The following BCO1 variants were observed in gnomAD, a reference collection of about 807,000 sequenced individuals.
The protein encoded by BCO1 is beta,beta-carotene 15,15'-dioxygenase.
In BCO1, 54 loss-of-function variants were observed where a neutral mutation model predicts 56.3. The ratio of observed to expected loss-of-function variants is 0.96; its 90% confidence interval spans 0.77 to 1.20. BCO1 has a LOEUF of 1.20. Ranked by LOEUF, BCO1 falls within the 50% of genes most tolerant of loss-of-function variation. The probability of loss-of-function intolerance (pLI) is 0.00; values close to 1 mark genes in which losing one functional copy is unlikely to be tolerated. For synonymous variants in BCO1, 318 were observed against 266.1 expected (o/e 1.20, Z -1.90); for missense variants, 801 against 690.9 (o/e 1.16, Z -1.79).
intron 3 of BCO1, among the ~76,000 whole-genome samples, chr16:81,260,822 T>C (rs1466268115): frequency 6.6e-6 from 1 of 152,222 alleles, no homozygotes; most frequent in Admixed American, 6.5e-5. Flanking sequence ...GTATACATTT[T>C]AAATCATCTG....
At chr16:81,286,685 A>G (rs1232269550) in intron 9 of BCO1, among the ~76,000 whole-genome samples, 1 of 152,062 alleles carries the variant, frequency 6.6e-6, no homozygotes, top group Non-Finnish European at 1.5e-5. Flanking sequence ...CCCTGTCTCT[A>G]TATTAAAAAA....
chr16:81,246,023 C>T (rs1483664307), intron 2 of BCO1, among the ~76,000 whole-genome samples: 1 of 151,804 alleles, frequency 6.6e-6, no homozygotes, highest in Non-Finnish European at 1.5e-5. Flanking sequence ...ACACCATGCC[C>T]AGCTAATTTT....
At chr16:81,244,002 G>A (rs1597342558) in intron 1 of BCO1, among the ~76,000 whole-genome samples, 3 of 152,230 alleles carry the variant, frequency 2.0e-5, no homozygotes, top group South Asian at 2.1e-4. Context: ...AGGCAACGGC[G>A]GGATTTGTCC....
At chr16:81,267,151 TGA>T (rs1383092062) in intron 5 of BCO1, among the ~76,000 whole-genome samples, 1 of 152,182 alleles carries the variant, frequency 6.6e-6, no homozygotes, top group Non-Finnish European at 1.5e-5. Flanking sequence ...CTTCACTGTA[TGA>T]GAGTCGTAAT....
chr16:81,272,860 CA>C lies in BCO1; in HGVS notation c.1101+2445del, dbSNP rs536340955. ...ACGTCCCTGTAGAAGCCTCATTTTA[CA>C]GATGAACAAACTGAGGCTCAGAGAA... is the stretch of plus-strand genomic sequence containing the variant. On this transcript the variant is annotated intron_variant, in intron 7 of 10. Transcript: ENST00000258168. Among the ~76,000 whole-genome samples, 35 of 152,326 alleles carry C rather than the reference CA, an allele frequency of 2.3e-4. No individual in the cohort carries two copies. The South Asian group carries it at 6.6e-3, about 29-fold the overall frequency.
intron 2 of BCO1, among the ~76,000 whole-genome samples, chr16:81,250,672 C>T (rs1405106354): frequency 6.6e-6 from 1 of 150,976 alleles, no homozygotes; most frequent in Non-Finnish European, 1.5e-5. Context: ...GCTCTGCCTC[C>T]CAGGTTCAAG....
At position 81,290,792 on chromosome 16, in the gene BCO1, A is replaced by C. The variant is rs1420938872; in HGVS notation, c.*215A>C. ...TTGAAAGTCAAACATTTGAACATCA[A>C]ATATGTATTGATTAGATCCAGTCCT... On this transcript the variant is annotated 3_prime_UTR_variant, in exon 11 of 11. Transcript: ENST00000258168. The C allele has an allele frequency of 1.1e-5, 6 of 564,842 alleles. No homozygotes were observed. In the African/African-American group the frequency reaches 1.1e-4, roughly 11 times the overall value. The allele number at this position is 564,842 out of a possible 1,614,324, so 35.0% of individuals were successfully genotyped here. A position where few individuals can be genotyped will look rare whatever the true frequency, so the allele number is the denominator to read the frequency against.
At chr16:81,279,756 A>G in intron 7 of BCO1, among the ~76,000 whole-genome samples, 1 of 152,234 alleles carries the variant, frequency 6.6e-6, no homozygotes, top group East Asian at 1.9e-4. Flanking sequence ...TACTGATGAC[A>G]GTAAGATACT....
chr16:81,270,901 T>C (rs970630798), intron 7 of BCO1, among the ~76,000 whole-genome samples: 2 of 151,474 alleles, frequency 1.3e-5, no homozygotes, highest in African/African-American at 2.4e-5. Context: ...CCCGCCACCA[T>C]GCCCAGAGAA....
chr16:81,239,457 A>G (rs1274397077), intron 1 of BCO1, among the ~76,000 whole-genome samples: 1 of 152,184 alleles, frequency 6.6e-6, no homozygotes, highest in Non-Finnish European at 1.5e-5. Context: ...TTTACACATT[A>G]TAACTCCGTT....
At chr16:81,284,169 G>T (rs1357095327) in intron 8 of BCO1, among the ~76,000 whole-genome samples, 1 of 151,120 alleles carries the variant, frequency 6.6e-6, no homozygotes, top group Non-Finnish European at 1.5e-5. Context: ...CTCCAGCCCA[G>T]GCGACAGAGC....
At chr16:81,244,176 A>T (rs1905263594) in intron 1 of BCO1, among the ~76,000 whole-genome samples, 1 of 152,230 alleles carries the variant, frequency 6.6e-6, no homozygotes, top group Non-Finnish European at 1.5e-5. Flanking sequence ...AGCCTGTAGG[A>T]AGGGACGAAC....
chr16:81,261,882 C>A (rs2151936810), intron 3 of BCO1: 1 of 400,644 alleles, frequency 2.5e-6, no homozygotes, highest in East Asian at 5.8e-5. Flanking sequence ...GCTGGGACTA[C>A]AGGCGCCTGC....
chr16:81,270,379 C>A lies in BCO1; in HGVS notation c.1064C>A (p.Thr355Asn). The A allele has an allele frequency of 6.2e-7, 1 of 1,614,104 alleles. No homozygotes were observed. The highest frequency in any genetic ancestry group is 8.5e-7 in the Non-Finnish European group (1 of 1,180,020). Residue 355 changes from threonine (T) to asparagine (N), a missense_variant, in exon 7 of 11, where the codon ACC becomes AAC. Transcript: ENST00000258168. ...AACTCCAGGCTCACCTCGGTCCCCA[C>A]CCTCAGGAGGTTTGCCGTGCCCCTC... ...KENSRLTSVP[T>N]LRRFAVPLHV...
intron 2 of BCO1, among the ~76,000 whole-genome samples, chr16:81,248,173 G>A (rs573012503): frequency 2.6e-5 from 4 of 152,060 alleles, no homozygotes; most frequent in East Asian, 1.9e-4. Flanking sequence ...AGGCCGAGGC[G>A]GGTGGATCAC....
intron 7 of BCO1, among the ~76,000 whole-genome samples, chr16:81,273,637 T>TC: frequency 8.9e-6 from 1 of 112,822 alleles, no homozygotes; most frequent in Non-Finnish European, 1.9e-5. Flanking sequence ...CATTTAAAAA[T>TC]CCTTTTTTTT....
Position 81,259,660 on chromosome 16 carries a change from G to T in BCO1, c.194-16G>T. 2 of 1,614,182 alleles carry T rather than the reference G, an allele frequency of 1.2e-6. No homozygotes were observed. Among genetic ancestry groups the T allele is most frequent in the Non-Finnish European group, 1.7e-6 (2 of 1,180,016 alleles). The stretch of plus-strand genomic sequence containing the variant: ...GAAGGCGTCAGCCTGAGATTATGCT[G>T]GTTCTTCTCTTGCAGGTGAAGTCTA... On this transcript the variant is annotated splice_polypyrimidine_tract_variant and intron_variant, in intron 2 of 10. Coordinates refer to ENST00000258168, the MANE Select transcript of BCO1 (RefSeq NM_017429.3).
At chr16:81,281,280 T>C (rs575639554) in intron 8 of BCO1, among the ~76,000 whole-genome samples, 1 of 152,188 alleles carries the variant, frequency 6.6e-6, no homozygotes, top group South Asian at 2.1e-4. Context: ...ACCCCATCTC[T>C]ACTAAAAATA....
At chr16:81,266,702 C>G (rs953890775) in intron 5 of BCO1, among the ~76,000 whole-genome samples, 4 of 152,076 alleles carry the variant, frequency 2.6e-5, no homozygotes, top group Non-Finnish European at 5.9e-5. Context: ...CTCAGGGGAT[C>G]AGATGACACA....
Sources: gnomAD v4.1 joint callset for allele counts (sites outside exome capture counted in the v4.1 genomes callset) on GRCh38, gnomAD v4.1.1 for gene constraint, MANE v1.5 for transcripts, NCBI Gene and HGNC (gene_info 2026-07-23, HGNC 2026-07-21) for gene names.